MUC17: variants seen among roughly 807,000 people sequenced by gnomAD.
MUC17 encodes the protein mucin-17.
MUC17 carries 190 observed loss-of-function variants against 170.3 expected under a neutral mutation model. The ratio of observed to expected loss-of-function variants is 1.12; its 90% CI spans 0.99 to 1.26. The LOEUF (loss-of-function observed/expected upper bound fraction) is 1.26. MUC17 is among the 50% of genes most tolerant of loss of function. The probability of loss-of-function intolerance (pLI) is 0.00; values close to 1 mark genes in which losing one functional copy is unlikely to be tolerated. For missense variants in MUC17, 6,415 were observed against 5,530.0 expected (o/e 1.16, Z -5.08); for synonymous variants, 2,325 against 2,002.5 (o/e 1.16, Z -4.30).
chr7:101,033,673 C>T lies in MUC17; in HGVS notation c.2257C>T (p.Pro753Ser). ...AGGAAGCACTCCATTAACAAGTATGCCTGTCAGCAAAACGCTGTTGACCAG... is the reference window on the plus strand; with the variant it reads ...AGGAAGCACTCCATTAACAAGTATGTCTGTCAGCAAAACGCTGTTGACCAG... The part of the protein sequence containing the change: ...SEGSTPLTSM[P>S]VSKTLLTSSE... The change falls in exon 3 of 13, where the codon CCT (proline) becomes TCT (serine). Residue 753 changes from proline (P) to serine (S), a missense_variant. Physicochemically the swap from Pro to Ser is moderately conservative, Grantham distance 74. Coordinates refer to ENST00000306151, the MANE Select transcript of MUC17 (RefSeq NM_001040105.2). The T allele has an allele frequency of 1.2e-6, 2 of 1,613,064 alleles. No individual in the cohort carries two copies. Among genetic ancestry groups the T allele is most frequent in the African/African-American group, 2.7e-5 (2 of 74,806 alleles).
rs1032923863 is a variant in MUC17, at chr7:101,058,805, T to C, written c.*761T>C. 2.3e-4 allele frequency: 35 copies of C among 152,254 alleles called. No individual in the cohort carries two copies. Among genetic ancestry groups the C allele is most frequent in the African/African-American group, 7.9e-4 (33 of 41,568 alleles). The allele number at this position is 152,254 out of a possible 1,614,324, so 9.4% of individuals were successfully genotyped here. On this transcript the variant is annotated 3_prime_UTR_variant, in exon 13 of 13. Transcript: ENST00000306151. Reference sequence around the variant, plus strand: ...GTTCTGATTTTTTCCTTAGTAAATATTATAATATATATTTGTAGTAACTAA... The same window carrying C: ...GTTCTGATTTTTTCCTTAGTAAATACTATAATATATATTTGTAGTAACTAA...
rs747475440 is a variant in MUC17, at chr7:101,031,663, T to G, written c.247T>G (p.Leu83Val). ...AAATGTCGTGGAGCCAAGAATGTAT[T>G]TGAGTTGCAGCACCAACCCTGAGAT... ...STNVVEPRMY[L>V]SCSTNPEMTS... Residue 83 changes from leucine to valine, a missense_variant, in exon 3 of 13, where the codon TTG becomes GTG. By Grantham distance (32) the Leu-to-Val change is conservative (BLOSUM62 1). Transcript: ENST00000306151. 1.3e-6 allele frequency: 2 copies of G among 1,580,692 alleles called. No homozygotes were observed. The highest frequency in any genetic ancestry group is 1.7e-6 in the Non-Finnish European group (2 of 1,162,824).
Position 101,035,554 on chromosome 7 carries a change from A to G in MUC17, c.4138A>G (p.Thr1380Ala). The stretch of plus-strand genomic sequence containing the variant: ...TACTGAAGCCTGTTCATCTCCTACA[A>G]CTTCTGAAGGTACCAGCATGCCAAA... ...TSTEACSSPT[T>A]SEGTSMPNSN... The change falls in exon 3 of 13, where the codon ACT becomes GCT. Residue 1380 changes from threonine to alanine, a missense_variant. Transcript: ENST00000306151. 6.3e-7 allele frequency: 1 copy of G among 1,594,636 alleles called. No individual in the cohort carries two copies. Among genetic ancestry groups the G allele is most frequent in the South Asian group, 1.1e-5 (1 of 89,704 alleles).
rs115417845 is a variant in MUC17 at position 101,047,925 on chromosome 7, T to C, written c.12404-59T>C. The C allele has an allele frequency of 7.4e-4, 1,123 of 1,518,730 alleles. 7 individuals carry two copies. The African/African-American group carries it at 0.015, about 20-fold the overall frequency. 94.1% of individuals were successfully genotyped at this position (1,518,730 alleles called of 1,614,324 possible). ...GTAACCACAGTAGATCCCTGCTCCT[T>C]CCAGTGAGGTGCCTCAATGGAGGAA... On this transcript the variant is annotated intron_variant, in intron 3 of 12. Transcript: ENST00000306151.
rs1193252747 is a variant in MUC17, at chr7:101,033,125, C to T, written c.1709C>T (p.Thr570Ile). ...ACCTCAACTCCTAGTGAAGGAAGCA[C>T]TCCATTAACAAACATGCCTGTCAGC... ...IPTSTPSEGS[T>I]PLTNMPVSTR... is the part of the protein sequence containing the mutation. The change falls in exon 3 of 13, where the codon ACT (threonine) becomes ATT (isoleucine). Residue 570 changes from threonine to isoleucine, a missense_variant. Thr to Ile is a moderately conservative substitution (Grantham distance 89). Transcript: ENST00000306151. 1 of 1,612,104 alleles carries T rather than the reference C, an allele frequency of 6.2e-7. No individual in the cohort carries two copies. The highest frequency in any genetic ancestry group is 1.3e-5 in the African/African-American group (1 of 74,868).
rs200962938 is a variant in MUC17 at position 101,051,871 on chromosome 7, T to C, written c.13012T>C (p.Tyr4338His). 13 of 1,614,180 alleles carry C rather than the reference T, an allele frequency of 8.1e-6. No homozygotes were observed. The highest frequency in any genetic ancestry group is 1.3e-5 in the African/African-American group (1 of 75,064). Residue 4338 changes from tyrosine (Y) to histidine (H), a missense_variant, in exon 9 of 13, where the codon TAC becomes CAC. Tyr to His is a moderately conservative substitution (Grantham distance 83). Transcript: ENST00000306151. ...FVVEYRDQKP[Y>H]CISPCEPGFS... ...AGTGGAGTACCGGGACCAGAAGCCA[T>C]ACTGCATCAGCCCCTGTGAGCCTGG... is the stretch of plus-strand genomic sequence containing the variant.
intron 5 of MUC17, among the ~76,000 whole-genome samples, 168 bp downstream of exon 5, chr7:101,049,140 T>G (rs1178170258): frequency 6.6e-6 from 1 of 152,060 alleles, no homozygotes; most frequent in Non-Finnish European, 1.5e-5. Flanking sequence ...TGAGGCCAGG[T>G]TTTACCTGGG....
chr7:101,035,537 C>A lies in MUC17; in HGVS notation c.4121C>A (p.Ala1374Asp), dbSNP rs978847737. The change falls in exon 3 of 13, where the codon GCC becomes GAC. Residue 1374 changes from alanine (A) to aspartate (D), a missense_variant. Transcript: ENST00000306151. ...NSTPVTTSTE[A>D]CSSPTTSEGT... ...ACACCTGTGACCACTTCTACTGAAG[C>A]CTGTTCATCTCCTACAACTTCTGAA... is the stretch of plus-strand genomic sequence containing the variant. 1 of 1,596,254 alleles carries A rather than the reference C, an allele frequency of 6.3e-7. No homozygotes were observed. The highest frequency in any genetic ancestry group is 1.7e-5 in the Admixed American group (1 of 59,202).
In MUC17 at chr7:101,033,810, C is replaced by A; in HGVS notation, c.2394C>A (p.Ile798=). ...CCACTGAAGGTACCAGCATGCCAAT[C>A]TCAACTCCTAGTGAAGGAAGTCCTT... ...PTTTEGTSMP[I]STPSEGSPLL... Residue 798 remains isoleucine, a synonymous_variant, in exon 3 of 13, where the codon ATC becomes ATA. Coordinates refer to ENST00000306151, the MANE Select transcript of MUC17 (RefSeq NM_001040105.2). 6.2e-7 allele frequency: 1 copy of A among 1,614,034 alleles called. No individual in the cohort carries two copies. Among genetic ancestry groups the A allele is most frequent in the Non-Finnish European group, 8.5e-7 (1 of 1,179,968 alleles).
rs4729650 is a variant in MUC17, at chr7:101,035,145, C to T, written c.3729C>T (p.Pro1243=). 98,441 of 1,471,300 alleles carry T rather than the reference C, an allele frequency of 0.067. No individual in the cohort carries two copies. The highest frequency in any genetic ancestry group is 0.22 in the African/African-American group (14,768 of 66,698). 91.1% of individuals were successfully genotyped at this position (1,471,300 alleles called of 1,614,324 possible). The change falls in exon 3 of 13, where the codon CCC becomes CCT. Residue 1243 remains proline, a synonymous_variant. Transcript: ENST00000306151. ...SSEASTLSTS[P]VDTSTPVTTS... ...AGGCTAGCACCCTTTCAACATCTCCCGTTGACACCAGCACACCTGTGACCA... is the reference window on the plus strand; with the variant it reads ...AGGCTAGCACCCTTTCAACATCTCCTGTTGACACCAGCACACCTGTGACCA...
chr7:101,029,723 C>T (rs965246075), intron 1 of MUC17, among the ~76,000 whole-genome samples: 16 of 151,870 alleles, frequency 1.1e-4, no homozygotes, highest in Non-Finnish European at 1.5e-4. Flanking sequence ...CTCAGCCTCC[C>T]GAGTAGCTGG....
rs758817472 is a variant in MUC17 at position 101,034,727 on chromosome 7, C to G, written c.3311C>G (p.Thr1104Arg). 4 of 1,606,974 alleles carry G rather than the reference C, an allele frequency of 2.5e-6. No homozygotes were observed. Among genetic ancestry groups the G allele is most frequent in the South Asian group, 1.1e-5 (1 of 90,042 alleles). Residue 1104 changes from threonine to arginine, a missense_variant, in exon 3 of 13, where the codon ACA (threonine) becomes AGA (arginine). Physicochemically the swap from Thr to Arg is moderately conservative, Grantham distance 71 (BLOSUM62 -1). Coordinates refer to ENST00000306151, the MANE Select transcript of MUC17 (RefSeq NM_001040105.2). ...STYSEGSTPL[T>R]SVPVSTRLVV... ...TATAGTGAAGGAAGCACTCCACTAACAAGTGTGCCTGTCAGCACCAGGCTG... is the reference window on the plus strand; with the variant it reads ...TATAGTGAAGGAAGCACTCCACTAAGAAGTGTGCCTGTCAGCACCAGGCTG...
Position 101,037,517 on chromosome 7 carries a change from T to C in MUC17, c.6101T>C (p.Ile2034Thr), listed in dbSNP as rs184841146. ...CCTACAACTGCAGGAGGTACCAGCATACAAACCTCAACTCCTAGTGAACGG... is the reference window on the plus strand; with the variant it reads ...CCTACAACTGCAGGAGGTACCAGCACACAAACCTCAACTCCTAGTGAACGG... ...SSPTTAGGTS[I>T]QTSTPSERTT... The change falls in exon 3 of 13, where the codon ATA (isoleucine) becomes ACA (threonine). Residue 2034 changes from isoleucine (I) to threonine (T), a missense_variant. By Grantham distance (89) the Ile-to-Thr change is moderately conservative (BLOSUM62 -1). Transcript: ENST00000306151. 1.2e-6 allele frequency: 2 copies of C among 1,613,816 alleles called. No homozygotes were observed. Among genetic ancestry groups the C allele is most frequent in the East Asian group, 2.2e-5 (1 of 44,860 alleles).
chr7:101,033,352 G>A lies in MUC17; in HGVS notation c.1936G>A (p.Ala646Thr), dbSNP rs375959111. ...VSTTLVASSE[A>T]STLSTTPVDS... The stretch of plus-strand genomic sequence containing the variant: ...CACCACACTGGTGGCCAGTTCTGAG[G>A]CTAGCACCCTTTCAACAACTCCTGT... The change falls in exon 3 of 13, where the codon GCT (alanine) becomes ACT (threonine). Residue 646 changes from alanine to threonine, a missense_variant. Transcript: ENST00000306151. The A allele has an allele frequency of 8.7e-6, 14 of 1,613,706 alleles. No individual in the cohort carries two copies. The highest frequency in any genetic ancestry group is 1.2e-5 in the Non-Finnish European group (14 of 1,179,824).
At chr7:101,020,318 A>C in intron 1 of MUC17, 101 bp downstream of exon 1, 2 of 941,488 alleles carry the variant, frequency 2.1e-6, no homozygotes, top group Non-Finnish European at 3.1e-6. Flanking sequence ...CAGGACACCA[A>C]TAGGGGTGTG....
In MUC17 at chr7:101,042,975, T is replaced by G; in HGVS notation, c.11559T>G (p.Gly3853=). ...CTTTGCTCACCTCTACCAAAGCCGG[T>G]TCATTCTCCATACCTGCTGAAGTCA... ...STPLLTSTKA[G]SFSIPAEVTT... Residue 3853 remains glycine, a synonymous_variant, in exon 3 of 13, where the codon GGT becomes GGG. Coordinates refer to ENST00000306151, the MANE Select transcript of MUC17 (RefSeq NM_001040105.2). 6.2e-7 allele frequency: 1 copy of G among 1,614,102 alleles called. No homozygotes were observed. The highest frequency in any genetic ancestry group is 8.5e-7 in the Non-Finnish European group (1 of 1,180,016).
In MUC17 at chr7:101,043,523, C is replaced by A; in HGVS notation, c.12107C>A (p.Thr4036Asn). The change falls in exon 3 of 13, where the codon ACC becomes AAC. Residue 4036 changes from threonine to asparagine, a missense_variant. By Grantham distance (65) the Thr-to-Asn change is moderately conservative. Coordinates refer to ENST00000306151, the MANE Select transcript of MUC17 (RefSeq NM_001040105.2). ...CTTTCTGCAACCAGTACACCTCACA[C>A]CTCTACTTCTGTCACCACCCGTCCT... ...STLSATSTPH[T>N]STSVTTRPVT... 5.0e-6 allele frequency: 8 copies of A among 1,614,242 alleles called. No homozygotes were observed. Among genetic ancestry groups the A allele is most frequent in the Non-Finnish European group, 6.8e-6 (8 of 1,180,046 alleles).
rs2116460920 is a variant in MUC17 at position 101,043,686 on chromosome 7, C to T, written c.12270C>T (p.Thr4090=). Residue 4090 remains threonine, a synonymous_variant, in exon 3 of 13, where the codon ACC becomes ACT. Transcript: ENST00000306151. ...SSTTVNPEAV[T]TMTTRTKPST... is the part of the protein sequence containing the mutation. ...CGACTGTGAACCCTGAGGCTGTCACCACCATGACCACCAGGACAAAACCCA... is the reference window on the plus strand; with the variant it reads ...CGACTGTGAACCCTGAGGCTGTCACTACCATGACCACCAGGACAAAACCCA... 2 of 1,614,148 alleles carry T rather than the reference C, an allele frequency of 1.2e-6. No homozygotes were observed. Among genetic ancestry groups the T allele is most frequent in the Non-Finnish European group, 8.5e-7 (1 of 1,180,040 alleles).
chr7:101,021,181 C>CTTTT (rs60346243), intron 1 of MUC17, among the ~76,000 whole-genome samples: 2 of 84,156 alleles, frequency 2.4e-5, no homozygotes, highest in Non-Finnish European at 4.5e-5. Context: ...CTGTCTCCTC[C>CTTTT]TTTTTTTTTT....
Sources: allele counts gnomAD v4.1 joint callset (sites outside exome capture counted in the v4.1 genomes callset), GRCh38; gene constraint gnomAD v4.1.1; transcripts MANE v1.5; gene names NCBI Gene and HGNC (gene_info 2026-07-23, HGNC 2026-07-21).